Variants in NME7 observed in about 807,000 individuals in gnomAD.
NME7 encodes nucleoside diphosphate kinase 7.
A neutral mutation model predicts 49.1 loss-of-function variants in NME7; 41 were observed. That is an observed-to-expected ratio of 0.83 (90% CI 0.65 to 1.08). NME7 has a LOEUF of 1.08. Among genes scored for constraint, NME7 ranks in the 50% least tolerant of loss-of-function variants. The pLI, the probability that NME7 is intolerant of heterozygous loss-of-function variation, is 0.00. For synonymous variants in NME7, 139 were observed against 150.6 expected (o/e 0.92, Z 0.56); for missense variants, 423 against 463.4 (o/e 0.91, Z 0.80).
chr1:169,292,842 C>A (rs1558026294), intron 6 of NME7, among the ~76,000 whole-genome samples: 1 of 152,020 alleles, frequency 6.6e-6, no homozygotes, highest in South Asian at 2.1e-4. Flanking sequence ...GGTAGGAATA[C>A]AGAGAAAGGG....
intron 10 of NME7, among the ~76,000 whole-genome samples, chr1:169,230,121 C>G (rs991794609): frequency 2.0e-5 from 3 of 152,154 alleles, no homozygotes; most frequent in African/African-American, 7.2e-5. Flanking sequence ...TCCCATAATC[C>G]TATCAAGTTT....
At chr1:169,303,745 C>T (rs976399699) in intron 4 of NME7, among the ~76,000 whole-genome samples, 4 of 152,128 alleles carry the variant, frequency 2.6e-5, no homozygotes, top group Admixed American at 6.5e-5. Context: ...AGCCACCGCA[C>T]CTGGCCTTAT....
At chr1:169,281,711 T>C (rs887060088) in intron 7 of NME7, among the ~76,000 whole-genome samples, 1 of 151,658 alleles carries the variant, frequency 6.6e-6, no homozygotes, top group Non-Finnish European at 1.5e-5. Context: ...TTGAGGTATG[T>C]GTTTTTTGTC....
intron 1 of NME7, among the ~76,000 whole-genome samples, chr1:169,351,524 T>C (rs1653171887): frequency 6.7e-6 from 1 of 148,762 alleles, no homozygotes; most frequent in South Asian, 2.1e-4. Context: ...CTTAGAAAAT[T>C]ACAAAACCTG....
chr1:169,258,474 A>AT lies in NME7; in HGVS notation c.755-20788dup, dbSNP rs1186145095. ...TTCTCAAAGTTAGCCTTTGCACAAC[A>AT]TTTTTTTTAATAAACAGGTACGTTG... On this transcript the variant is annotated intron_variant, in intron 7 of 11. Transcript: ENST00000367811. Among the ~76,000 whole-genome samples the AT allele has an allele frequency of 1.4e-4, 17 of 123,678 alleles. 4 individuals carry two copies. The highest frequency in any genetic ancestry group is 1.3e-3 in the South Asian group (5 of 3,992). 81.1% of individuals were successfully genotyped at this position (123,678 alleles called of 152,430 possible).
intron 10 of NME7, among the ~76,000 whole-genome samples, chr1:169,225,835 A>C (rs1039798113): frequency 1.3e-5 from 2 of 152,220 alleles, no homozygotes; most frequent in Non-Finnish European, 2.9e-5. Context: ...CACAGACATC[A>C]ATGATGAAAT....
chr1:169,195,056 G>C (rs1435524240), intron 10 of NME7, among the ~76,000 whole-genome samples: 1 of 134,532 alleles, frequency 7.4e-6, no homozygotes, highest in African/African-American at 2.5e-5. Flanking sequence ...AATGCTTTAA[G>C]GGCATTCAAA....
Position 169,275,018 on chromosome 1 carries a change from C to T in NME7, c.754+12285G>A, listed in dbSNP as rs1649647450. ...ATTCTGTGAAGAAAGGCATTGGTAG[C>T]TTGATGGGGATGGCATTGAATCTAT... On this transcript the variant is annotated intron_variant, in intron 7 of 11. Transcript: ENST00000367811. 1.5e-5 allele frequency among the ~76,000 whole-genome samples: 2 copies of T among 132,458 alleles called. 1 individual carries two copies. The highest frequency in any genetic ancestry group is 4.0e-4 in the East Asian group (2 of 4,940). The allele number at this position is 132,458 out of a possible 152,430, so 86.9% of individuals were successfully genotyped here.
chr1:169,252,408 G>C (rs549789679), intron 7 of NME7, among the ~76,000 whole-genome samples: 1 of 152,016 alleles, frequency 6.6e-6, no homozygotes, highest in South Asian at 2.1e-4. Context: ...TGATGGGGTT[G>C]TTTGTTTTTT....
At chr1:169,259,277 C>T (rs1466484095) in intron 7 of NME7, among the ~76,000 whole-genome samples, 1 of 132,768 alleles carries the variant, frequency 7.5e-6, no homozygotes, top group Non-Finnish European at 1.8e-5. Context: ...GAGACACCTA[C>T]CTGACTTTGG....
intron 4 of NME7, among the ~76,000 whole-genome samples, chr1:169,306,991 T>C (rs990227194): frequency 1.3e-5 from 2 of 152,162 alleles, no homozygotes; most frequent in African/African-American, 4.8e-5. Context: ...CAGGAGACAC[T>C]GGAATAGAAG....
At chr1:169,162,193 A>G (rs1243301808) in intron 11 of NME7, among the ~76,000 whole-genome samples, 1 of 152,198 alleles carries the variant, frequency 6.6e-6, no homozygotes, top group East Asian at 1.9e-4. Context: ...TGATTTGAGT[A>G]ATAATTCCAT....
chr1:169,265,696 T>G (rs1037572855), intron 7 of NME7, among the ~76,000 whole-genome samples: 1 of 116,710 alleles, frequency 8.6e-6, no homozygotes, highest in Non-Finnish European at 2.0e-5. Flanking sequence ...CCAGGAGTTG[T>G]TTTTTTTTTT....
At chr1:169,184,283 T>TA (rs535027623) in intron 10 of NME7, among the ~76,000 whole-genome samples, 2 of 152,162 alleles carry the variant, frequency 1.3e-5, no homozygotes, top group African/African-American at 2.4e-5. Flanking sequence ...AGCAATCTTT[T>TA]AAAAAAATAA....
chr1:169,174,723 T>C (rs1659703474), intron 10 of NME7, among the ~76,000 whole-genome samples: 1 of 152,182 alleles, frequency 6.6e-6, no homozygotes. Context: ...TACACATATC[T>C]AAACAGAAAA....
chr1:169,182,785 G>A (rs1659964554), intron 10 of NME7, among the ~76,000 whole-genome samples: 1 of 152,232 alleles, frequency 6.6e-6, no homozygotes, highest in South Asian at 2.1e-4. Context: ...ATGGATGAAT[G>A]GAATGACTAA....
chr1:169,303,471 T>TC (rs1182539090), intron 4 of NME7: 3 of 176,730 alleles, frequency 1.7e-5, no homozygotes, highest in Non-Finnish European at 2.3e-5. Context: ...TTTTTTTTTT[T>TC]TTTTTTTAGA....
At chr1:169,204,662 C>T (rs576660848) in intron 10 of NME7, among the ~76,000 whole-genome samples, 54 of 152,248 alleles carry the variant, frequency 3.5e-4, no homozygotes, top group African/African-American at 1.2e-3. Flanking sequence ...CCTTGAAAAT[C>T]TTATTCACAA....
At position 169,298,756 on chromosome 1, in the gene NME7, T is replaced by C. The variant is rs140135005; in HGVS notation, c.448A>G (p.Ile150Val). 68 of 1,613,130 alleles carry C rather than the reference T, an allele frequency of 4.2e-5. No individual in the cohort carries two copies. Among genetic ancestry groups the C allele is most frequent in the Non-Finnish European group, 5.3e-5 (62 of 1,179,402 alleles). Residue 150 changes from isoleucine (I) to valine (V), a missense_variant, in exon 6 of 12, where the codon ATC becomes GTC. Coordinates refer to ENST00000367811, the MANE Select transcript of NME7 (RefSeq NM_013330.5). Reference sequence around the variant, plus strand: ...ATAGGACCAGTTGTAATAAACTGGATCAGCTCACTACAAAACAGATAGAAG... The same window carrying C: ...ATAGGACCAGTTGTAATAAACTGGACCAGCTCACTACAAAACAGATAGAAG... Reference protein sequence around the residue: ...HQSRPFFNELIQFITTGPIIA... With the variant: ...HQSRPFFNELVQFITTGPIIA...
Sources: allele counts gnomAD v4.1 joint callset (sites outside exome capture counted in the v4.1 genomes callset), GRCh38; gene constraint gnomAD v4.1.1; transcripts MANE v1.5; gene names NCBI Gene and HGNC (gene_info 2026-07-23, HGNC 2026-07-21).